FIG4: variants seen among roughly 807,000 people sequenced by gnomAD.
FIG4 encodes FIG4 phosphoinositide 5-phosphatase.
In FIG4, 112 loss-of-function variants were observed where a neutral mutation model predicts 118.6. The observed-to-expected ratio is 0.94, with a 90% CI of 0.81 to 1.11. The LOEUF is 1.11. Ranked by LOEUF, FIG4 falls within the 50% of genes least tolerant of loss-of-function variation. FIG4 has a pLI of 0.00. For missense variants in FIG4, 969 were observed against 1,111.7 expected (o/e 0.87, Z 1.83); for synonymous variants, 369 against 381.2 (o/e 0.97, Z 0.37).
intron 1 of FIG4, 102 bp from the exon 2 acceptor site, chr6:109,714,976 C>A: frequency 4.7e-6 from 3 of 644,636 alleles, no homozygotes; most frequent in Non-Finnish European, 5.5e-6. Context: ...TAAAAAGTAA[C>A]CTGACTTTAT....
At chr6:109,697,184 C>G (rs529001207) in intron 1 of FIG4, among the ~76,000 whole-genome samples, 1 of 150,960 alleles carries the variant, frequency 6.6e-6, no homozygotes, top group Non-Finnish European at 1.5e-5. Flanking sequence ...ATGGCGTGAA[C>G]CTGGGAGGTG....
At position 109,691,332 on chromosome 6, in the gene FIG4, C is replaced by T; in HGVS notation, c.-104C>T. ...GGTTTAGTGCCTAATGGGTGTTGTT[C>T]CTGGCTGGACTTGATGTCCAGGGCC... is the stretch of plus-strand genomic sequence containing the variant. On this transcript the variant is annotated 5_prime_UTR_variant, in exon 1 of 23. Transcript: ENST00000230124. 1 of 928,362 alleles carries T rather than the reference C, an allele frequency of 1.1e-6. No homozygotes were observed. The highest frequency in any genetic ancestry group is 1.7e-6 in the Non-Finnish European group (1 of 579,376). 57.5% of individuals were successfully genotyped at this position (928,362 alleles called of 1,614,324 possible). A position where few individuals can be genotyped will look rare whatever the true frequency, so the allele number is the denominator to read the frequency against.
At chr6:109,799,022 T>C (rs1486743167) in intron 22 of FIG4, among the ~76,000 whole-genome samples, 2 of 152,312 alleles carry the variant, frequency 1.3e-5, no homozygotes, top group Middle Eastern at 3.4e-3. Flanking sequence ...TAAAATAATA[T>C]GATACAACTT....
chr6:109,738,008 C>A (rs1211749859), intron 6 of FIG4, among the ~76,000 whole-genome samples: 1 of 152,120 alleles, frequency 6.6e-6, no homozygotes, highest in African/African-American at 2.4e-5. Context: ...CACCTCTTGA[C>A]TTTATTTATA....
At chr6:109,788,780 A>G (rs1314401821) in intron 18 of FIG4, among the ~76,000 whole-genome samples, 1 of 152,230 alleles carries the variant, frequency 6.6e-6, no homozygotes, top group Non-Finnish European at 1.5e-5. Context: ...CTTTTCCTTC[A>G]AATAATGTGA....
At chr6:109,767,563 GAGA>G (rs1157039168) in intron 15 of FIG4, among the ~76,000 whole-genome samples, 1 of 152,178 alleles carries the variant, frequency 6.6e-6, no homozygotes. Flanking sequence ...ACATAATATG[GAGA>G]AGATTAGTAA....
Position 109,754,390 on chromosome 6 carries a change from G to T in FIG4, c.1138-5860G>T, listed in dbSNP as rs1014917655. 1.8e-3 allele frequency among the ~76,000 whole-genome samples: 275 copies of T among 152,226 alleles called. 3 individuals carry two copies. The highest frequency in any genetic ancestry group is 0.016 in the Admixed American group (243 of 15,280). ...CATCAGTGTTCATCAAGGATATTGG[G>T]CTAAAATTCTCTTTTTTGGTTGTGT... On this transcript the variant is annotated intron_variant, in intron 10 of 22. Coordinates refer to ENST00000230124, the MANE Select transcript of FIG4 (RefSeq NM_014845.6).
At chr6:109,739,938 A>C (rs1227994157) in intron 7 of FIG4, among the ~76,000 whole-genome samples, 2 of 152,160 alleles carry the variant, frequency 1.3e-5, no homozygotes, top group Non-Finnish European at 2.9e-5. Context: ...GGCTAGATAA[A>C]AGCACAGAGG....
chr6:109,753,017 A>G (rs1232353849), intron 10 of FIG4, among the ~76,000 whole-genome samples: 1 of 152,114 alleles, frequency 6.6e-6, no homozygotes, highest in Non-Finnish European at 1.5e-5. Context: ...ATTTTTGTAT[A>G]AGGTGTAAGG....
At chr6:109,763,089 ACT>A (rs892753388) in intron 12 of FIG4, among the ~76,000 whole-genome samples, 25 of 152,070 alleles carry the variant, frequency 1.6e-4, no homozygotes, top group African/African-American at 5.8e-4. Context: ...CATGTTGGAG[ACT>A]CTGTTTTTTT....
chr6:109,718,778 T>C (rs564762701), intron 3 of FIG4, among the ~76,000 whole-genome samples: 8 of 152,312 alleles, frequency 5.3e-5, no homozygotes, highest in East Asian at 1.9e-4. Context: ...AATGCCAGTA[T>C]GTTAAATTCC....
chr6:109,816,522 A>G (rs1778866848), intron 22 of FIG4, among the ~76,000 whole-genome samples: 1 of 152,194 alleles, frequency 6.6e-6, no homozygotes, highest in South Asian at 2.1e-4. Context: ...ACGTATCACT[A>G]TCAGGTCATG....
intron 1 of FIG4, among the ~76,000 whole-genome samples, chr6:109,711,710 C>G (rs1410667834): frequency 6.6e-6 from 1 of 151,980 alleles, no homozygotes; most frequent in Non-Finnish European, 1.5e-5. Flanking sequence ...GGGTCTTAGT[C>G]CTTTATCCAG....
At chr6:109,733,194 GC>G (rs777187514) in intron 5 of FIG4, among the ~76,000 whole-genome samples, 35 of 152,008 alleles carry the variant, frequency 2.3e-4, no homozygotes, top group Non-Finnish European at 3.7e-4. Flanking sequence ...ATAACCAGGA[GC>G]AAAAATACAA....
At chr6:109,778,768 T>G (rs907898018) in intron 16 of FIG4, among the ~76,000 whole-genome samples, 1 of 151,908 alleles carries the variant, frequency 6.6e-6, no homozygotes, top group Non-Finnish European at 1.5e-5. Context: ...CCAGCTAATT[T>G]TTTTGTATTT....
rs759057291 is a variant in FIG4 at position 109,765,198 on chromosome 6, G to A, written c.1583+37G>A. ...TTTTTGCTATTTGAATGCTGATAATGGCAGAAGGCAAACCTGGTTACTAAT... is the reference window on the plus strand; with the variant it reads ...TTTTTGCTATTTGAATGCTGATAATAGCAGAAGGCAAACCTGGTTACTAAT... On this transcript the variant is annotated intron_variant, in intron 14 of 22. Transcript: ENST00000230124. The A allele has an allele frequency of 1.9e-6, 3 of 1,584,778 alleles. No homozygotes were observed. The South Asian group carries it at 3.3e-5, about 18-fold the overall frequency.
intron 22 of FIG4, among the ~76,000 whole-genome samples, chr6:109,823,196 G>A (rs1779061995): frequency 6.6e-6 from 1 of 152,124 alleles, no homozygotes; most frequent in South Asian, 2.1e-4. Flanking sequence ...TCCCTGACAG[G>A]TTGAAGACAG....
chr6:109,795,318 T>A (rs868789830), intron 21 of FIG4, among the ~76,000 whole-genome samples: 3 of 151,886 alleles, frequency 2.0e-5, no homozygotes, highest in Admixed American at 6.6e-5. Context: ...TAAAGTTCTG[T>A]ACAAATAATC....
chr6:109,761,278 C>G (rs1019260669), intron 11 of FIG4, among the ~76,000 whole-genome samples: 7 of 152,124 alleles, frequency 4.6e-5, no homozygotes, highest in African/African-American at 1.7e-4. Context: ...GCAGACTCTG[C>G]CGCCCGGGTT....
Sources: gnomAD v4.1 joint callset for allele counts (sites outside exome capture counted in the v4.1 genomes callset) on GRCh38, gnomAD v4.1.1 for gene constraint, MANE v1.5 for transcripts, NCBI Gene and HGNC (gene_info 2026-07-23, HGNC 2026-07-21) for gene names.